MTUS2: variants seen among roughly 807,000 people sequenced by gnomAD.
MTUS2 encodes microtubule-associated tumor suppressor candidate 2.
A neutral mutation model predicts 114.1 loss-of-function variants in MTUS2; 40 were observed. The observed-to-expected ratio is 0.35, with a 90% CI of 0.27 to 0.46. The LOEUF is 0.46. MTUS2 is among the 20% of genes least tolerant of loss of function. The pLI, the probability that MTUS2 is intolerant of heterozygous loss-of-function variation, is 1.00. For missense variants in MTUS2, 1,679 were observed against 1,705.4 expected (o/e 0.98, Z 0.27); for synonymous variants, 688 against 672.0 (o/e 1.02, Z -0.37).
At chr13:29,242,478 A>G in intron 5 of MTUS2, 1 of 164,828 alleles carries the variant, frequency 6.1e-6, no homozygotes, top group East Asian at 1.3e-4. Context: ...GAACTATATT[A>G]TAATTTAAAA....
Position 29,298,195 on chromosome 13 carries a change from T to A in MTUS2, c.2806+16330T>A, listed in dbSNP as rs192789979. Among the ~76,000 whole-genome samples, 84 of 152,304 alleles carry A rather than the reference T, an allele frequency of 5.5e-4. 2 individuals are homozygous for A. The highest frequency in any genetic ancestry group is 1.4e-3 in the Admixed American group (21 of 15,298). On this transcript the variant is annotated intron_variant, in intron 6 of 15. Transcript: ENST00000612955. ...GCCCTCTGATTCTGTCATATTGATA[T>A]GATGCGTTGTAGAAAATAAAATTCC...
chr13:28,951,767 C>A (rs1882821061), intron 2 of MTUS2, among the ~76,000 whole-genome samples: 1 of 152,028 alleles, frequency 6.6e-6, no homozygotes, highest in Non-Finnish European at 1.5e-5. Flanking sequence ...CTACTGAACT[C>A]CAGCCTGGAT....
At chr13:29,262,183 C>G (rs1453086201) in intron 5 of MTUS2, among the ~76,000 whole-genome samples, 1 of 152,202 alleles carries the variant, frequency 6.6e-6, no homozygotes, top group Non-Finnish European at 1.5e-5. Flanking sequence ...CCTTTGCCTT[C>G]TTCGTTAAGC....
chr13:28,982,447 G>A (rs1234457707), intron 2 of MTUS2, among the ~76,000 whole-genome samples: 1 of 152,144 alleles, frequency 6.6e-6, no homozygotes, highest in Non-Finnish European at 1.5e-5. Context: ...CTGCTGCTGT[G>A]GAAAACAGTA....
At chr13:29,020,929 A>G (rs903741630) in intron 2 of MTUS2, among the ~76,000 whole-genome samples, 7 of 152,086 alleles carry the variant, frequency 4.6e-5, no homozygotes, top group Non-Finnish European at 1.0e-4. Context: ...AACTTAAATT[A>G]AAATTGAATA....
chr13:28,905,811 ATAGT>A (rs778607185), intron 2 of MTUS2, among the ~76,000 whole-genome samples: 42 of 151,572 alleles, frequency 2.8e-4, no homozygotes, highest in Non-Finnish European at 5.4e-4. Flanking sequence ...ATTGATTGGA[ATAGT>A]TTCAGAAGGA....
intron 2 of MTUS2, among the ~76,000 whole-genome samples, chr13:29,003,207 CT>C (rs1299528009): frequency 6.6e-6 from 1 of 152,102 alleles, no homozygotes; most frequent in African/African-American, 2.4e-5. Context: ...CCTAACACTT[CT>C]AAGCCTTTTG....
At chr13:28,922,339 C>G (rs1881089480) in intron 2 of MTUS2, among the ~76,000 whole-genome samples, 1 of 152,170 alleles carries the variant, frequency 6.6e-6, no homozygotes, top group African/African-American at 2.4e-5. Context: ...CAGACTAATA[C>G]ATTGTGTGGC....
chr13:28,934,329 A>G (rs1351713405), intron 2 of MTUS2, among the ~76,000 whole-genome samples: 1 of 152,018 alleles, frequency 6.6e-6, no homozygotes, highest in Non-Finnish European at 1.5e-5. Flanking sequence ...GTCTGGTTCC[A>G]GTTAATACTT....
intron 5 of MTUS2, among the ~76,000 whole-genome samples, chr13:29,171,297 A>G (rs1360513974): frequency 6.6e-6 from 1 of 152,182 alleles, no homozygotes; most frequent in Non-Finnish European, 1.5e-5. Context: ...CCTGATAAAT[A>G]TGGAACGTTG....
At chr13:29,011,812 C>A (rs1011502356) in intron 2 of MTUS2, among the ~76,000 whole-genome samples, 2 of 152,156 alleles carry the variant, frequency 1.3e-5, no homozygotes, top group Non-Finnish European at 2.9e-5. Flanking sequence ...TTTGCACTCA[C>A]CTGTGCAGTT....
intron 8 of MTUS2, among the ~76,000 whole-genome samples, chr13:29,404,357 A>G (rs1383871568): frequency 2.0e-5 from 3 of 152,114 alleles, no homozygotes; most frequent in South Asian, 4.2e-4. Context: ...GTCTCGAAAA[A>G]ACAAAAACAA....
At chr13:29,414,392 A>C (rs1875496223) in intron 8 of MTUS2, among the ~76,000 whole-genome samples, 1 of 124,304 alleles carries the variant, frequency 8.0e-6, no homozygotes, top group Non-Finnish European at 1.7e-5. Context: ...CCAGCATGGC[A>C]CATGTATACA....
rs1872557760 is a variant in MTUS2, at chr13:29,385,278, G to A, written c.3117+25805G>A. 5.9e-5 allele frequency among the ~76,000 whole-genome samples: 9 copies of A among 152,306 alleles called. No homozygotes were observed. The South Asian group carries it at 1.0e-3, about 18-fold the overall frequency. The stretch of plus-strand genomic sequence containing the variant: ...TTTCATTGTCCCTGTGGTCCCTAGG[G>A]TAGCTCTGTGGCCTGTCCCTGCTCT... On this transcript the variant is annotated intron_variant, in intron 8 of 15. Transcript: ENST00000612955.
intron 5 of MTUS2, among the ~76,000 whole-genome samples, chr13:29,153,808 T>A (rs535585254): frequency 6.6e-6 from 1 of 152,344 alleles, no homozygotes; most frequent in South Asian, 2.1e-4. Context: ...TCACTTAAGC[T>A]GAAAAAGCAT....
chr13:29,443,075 G>C (rs961890353), intron 9 of MTUS2, among the ~76,000 whole-genome samples: 1 of 152,186 alleles, frequency 6.6e-6, no homozygotes, highest in Non-Finnish European at 1.5e-5. Flanking sequence ...GCAGTTCTGA[G>C]CATGGGCTTT....
chr13:29,061,726 C>T (rs74404364), intron 4 of MTUS2, among the ~76,000 whole-genome samples: 2,441 of 152,292 alleles, frequency 0.016, 69 homozygotes, highest in African/African-American at 0.056. Flanking sequence ...TGTTTGTTTT[C>T]CTTCCCTGAG....
chr13:28,835,195 T>C (rs1165095967), intron 1 of MTUS2, among the ~76,000 whole-genome samples: 3 of 151,998 alleles, frequency 2.0e-5, no homozygotes, highest in African/African-American at 7.3e-5. Context: ...AACTTACATA[T>C]CCATATAAAA....
intron 1 of MTUS2, among the ~76,000 whole-genome samples, chr13:28,830,603 T>C (rs903293159): frequency 1.3e-5 from 2 of 151,874 alleles, no homozygotes; most frequent in South Asian, 2.1e-4. Flanking sequence ...TTATATACTA[T>C]GAGGAACAGA....
Sources: gnomAD v4.1 joint callset for allele counts (sites outside exome capture counted in the v4.1 genomes callset) on GRCh38, gnomAD v4.1.1 for gene constraint, MANE v1.5 for transcripts, NCBI Gene and HGNC (gene_info 2026-07-23, HGNC 2026-07-21) for gene names.